BICDL1: variants seen among roughly 807,000 people sequenced by gnomAD.
BICDL1 encodes BICD family like cargo adaptor 1, also known as BICD family-like cargo adapter 1.
A neutral mutation model predicts 76.8 loss-of-function variants in BICDL1; 20 were observed. The ratio of observed to expected loss-of-function variants is 0.26; its 90% CI spans 0.18 to 0.38. The LOEUF (loss-of-function observed/expected upper bound fraction) is 0.38, where lower values mean the gene tolerates loss of function less well. BICDL1 is among the 10% of genes least tolerant of loss of function. The pLI is 1.00. For missense variants in BICDL1, 700 were observed against 798.6 expected, an observed-to-expected ratio of 0.88 and a Z score of 1.49; for synonymous variants, 383 against 337.1, an observed-to-expected ratio of 1.14 and a Z score of -1.49.
intron 2 of BICDL1, among the ~76,000 whole-genome samples, chr12:120,039,792 C>T (rs1367971961): frequency 6.6e-6 from 1 of 152,160 alleles, no homozygotes; most frequent in Non-Finnish European, 1.5e-5. Context: ...CCACCCTCCC[C>T]CACTTTCAGG....
intron 2 of BICDL1, among the ~76,000 whole-genome samples, chr12:120,004,535 A>G (rs1035751994): frequency 9.2e-5 from 14 of 152,214 alleles, no homozygotes. Flanking sequence ...ACTTTAAACT[A>G]GAAGGGATTA....
At chr12:120,039,725 G>T (rs28613380) in intron 2 of BICDL1, among the ~76,000 whole-genome samples, 8,380 of 151,854 alleles carry the variant, frequency 0.055, 456 homozygotes, top group African/African-American at 0.14. Flanking sequence ...CAAACTGTAG[G>T]TATTATAACG....
At chr12:120,028,182 CATT>C (rs1952347105) in intron 2 of BICDL1, among the ~76,000 whole-genome samples, 2 of 152,270 alleles carry the variant, frequency 1.3e-5, no homozygotes, top group South Asian at 2.1e-4. Context: ...GTAGCTCTGT[CATT>C]ATCTGGGACT....
At chr12:120,065,985 A>G (rs141432263) in intron 4 of BICDL1, among the ~76,000 whole-genome samples, 15 of 152,346 alleles carry the variant, frequency 9.8e-5, no homozygotes, top group African/African-American at 2.9e-4. Flanking sequence ...ACCTCAGTCA[A>G]TGTTGAGTAG....
chr12:120,059,622 C>A (rs1953060136), intron 2 of BICDL1, among the ~76,000 whole-genome samples: 1 of 152,130 alleles, frequency 6.6e-6, no homozygotes, highest in African/African-American at 2.4e-5. Context: ...GTTGGCCAGG[C>A]TGGTCTCAAA....
At chr12:120,031,129 CT>C (rs1402880125) in intron 2 of BICDL1, among the ~76,000 whole-genome samples, 6 of 151,792 alleles carry the variant, frequency 4.0e-5, no homozygotes, top group African/African-American at 1.5e-4. Context: ...GGAAAAGCAA[CT>C]TTTCCATAAG....
chr12:120,032,698 A>G (rs1952447119), intron 2 of BICDL1, among the ~76,000 whole-genome samples: 1 of 152,096 alleles, frequency 6.6e-6, no homozygotes, highest in African/African-American at 2.4e-5. Context: ...ACAGCTTAGT[A>G]CAAATCTTTA....
chr12:120,021,549 T>G (rs1444047353), intron 2 of BICDL1, among the ~76,000 whole-genome samples: 1 of 126,560 alleles, frequency 7.9e-6, no homozygotes, highest in Non-Finnish European at 1.6e-5. Context: ...ATTGCGCCAC[T>G]GCACTCCACC....
rs1294431864 is a variant in BICDL1 at position 119,989,751 on chromosome 12, G to A, written c.-118G>A. ...CCAGGGCTCGCGGGGACCCGGGGGCGCGTGCCGCGGCGCGAGGCGAGGCGC... is the reference window on the plus strand; with the variant it reads ...CCAGGGCTCGCGGGGACCCGGGGGCACGTGCCGCGGCGCGAGGCGAGGCGC... On this transcript the variant is annotated 5_prime_UTR_variant, in exon 1 of 10. Transcript: ENST00000548673. 1 of 280,788 alleles carries A rather than the reference G, an allele frequency of 3.6e-6. No homozygotes were observed. Among genetic ancestry groups the A allele is most frequent in the Non-Finnish European group, 5.3e-6 (1 of 189,698 alleles). 17.4% of individuals were successfully genotyped at this position (280,788 alleles called of 1,614,324 possible).
chr12:120,059,380 A>G (rs967021898), intron 2 of BICDL1, among the ~76,000 whole-genome samples: 3 of 152,108 alleles, frequency 2.0e-5, no homozygotes, highest in Non-Finnish European at 2.9e-5. Context: ...AGTTCAAGCA[A>G]TTCTCCTGCC....
chr12:120,090,810 C>T (rs1874893960), intron 9 of BICDL1: 1 of 1,115,912 alleles, frequency 9.0e-7, no homozygotes, highest in Non-Finnish European at 1.2e-6. Context: ...AACACTGGCC[C>T]CACCGCAGGG....
Position 120,064,893 on chromosome 12 carries a change from G to A in BICDL1, c.909+14G>A. 2 of 1,595,386 alleles carry A rather than the reference G, an allele frequency of 1.3e-6. No homozygotes were observed. The highest frequency in any genetic ancestry group is 1.1e-5 in the South Asian group (1 of 88,472). ...AAGGACCTACAGGTACTGGGGTAGAGAAGCTGTCCTGCAGGACTAGAGCCA... is the reference window on the plus strand; with the variant it reads ...AAGGACCTACAGGTACTGGGGTAGAAAAGCTGTCCTGCAGGACTAGAGCCA... On this transcript the variant is annotated intron_variant, in intron 4 of 9. Transcript: ENST00000548673.
In BICDL1 at chr12:120,043,928, G is replaced by C. The variant is rs562169810; in HGVS notation, c.646-17782G>C. Among the ~76,000 whole-genome samples, 3 of 152,346 alleles carry C rather than the reference G, an allele frequency of 2.0e-5. No homozygotes were observed. The South Asian group carries it at 6.2e-4, about 32-fold the overall frequency. On this transcript the variant is annotated intron_variant, in intron 2 of 9. Transcript: ENST00000548673. ...GAGAAAACAGATATGTAAACAGAGT[G>C]TGTGATAAGTTCTCTAATAAGAGTA...
intron 2 of BICDL1, among the ~76,000 whole-genome samples, chr12:120,044,203 T>C (rs749354665): frequency 3.3e-5 from 5 of 152,204 alleles, no homozygotes; most frequent in South Asian, 2.1e-4. Context: ...GGAAAGCAGT[T>C]TTTCCCTAAC....
At position 119,989,939 on chromosome 12, in the gene BICDL1, T is replaced by C; in HGVS notation, c.71T>C (p.Met24Thr). 1.4e-6 allele frequency: 2 copies of C among 1,469,734 alleles called. No individual in the cohort carries two copies. Among genetic ancestry groups the C allele is most frequent in the Non-Finnish European group, 1.8e-6 (2 of 1,124,422 alleles). 91.0% of individuals were successfully genotyped at this position (1,469,734 alleles called of 1,614,324 possible). A position where few individuals can be genotyped will look rare whatever the true frequency, so the allele number is the denominator to read the frequency against. ...APAEPDSACC[M>T]ELPAAAGDAV... is the part of the protein sequence containing the mutation. ...GCCGAGCCGGACAGCGCCTGCTGCA[T>C]GGAGCTGCCCGCCGCGGCCGGGGAC... The change falls in exon 1 of 10, where the codon ATG becomes ACG. Residue 24 changes from methionine (M) to threonine (T), a missense_variant. This residue lies in a region of BICDL1 where 225 missense variants were observed against 199.6 expected (regional missense o/e 1.13). Transcript: ENST00000548673.
At chr12:120,086,173 C>A (rs998763659) in intron 8 of BICDL1, among the ~76,000 whole-genome samples, 1 of 152,164 alleles carries the variant, frequency 6.6e-6, no homozygotes, top group African/African-American at 2.4e-5. Flanking sequence ...GTAGGGAGAA[C>A]TCTGGAGCAA....
chr12:120,093,234 C>G lies in BICDL1; in HGVS notation c.*73C>G. ...GAAAGGCGGTGCAGGCAAGGCCTCC[C>G]CTGCAGCTTGCACCTCAGCAGCTGC... is the stretch of plus-strand genomic sequence containing the variant. On this transcript the variant is annotated 3_prime_UTR_variant, in exon 10 of 10. Coordinates refer to ENST00000548673, the MANE Select transcript of BICDL1 (RefSeq NM_001367886.1). 1 of 1,510,024 alleles carries G rather than the reference C, an allele frequency of 6.6e-7. No individual in the cohort carries two copies. Among genetic ancestry groups the G allele is most frequent in the Admixed American group, 2.0e-5 (1 of 50,472 alleles). 93.5% of individuals were successfully genotyped at this position (1,510,024 alleles called of 1,614,324 possible). A position where few individuals can be genotyped will look rare whatever the true frequency, so the allele number is the denominator to read the frequency against.
intron 1 of BICDL1, among the ~76,000 whole-genome samples, chr12:119,995,177 A>G (rs1483509504): frequency 6.6e-6 from 1 of 152,226 alleles, no homozygotes; most frequent in Non-Finnish European, 1.5e-5. Context: ...TGACCTTCAC[A>G]CTTCCTGACA....
At chr12:120,058,373 G>T (rs12299411) in intron 2 of BICDL1, among the ~76,000 whole-genome samples, 2 of 152,172 alleles carry the variant, frequency 1.3e-5, no homozygotes, top group East Asian at 3.8e-4. Flanking sequence ...AGCTGGACTA[G>T]ATTTGCAGCC....
Sources: gnomAD v4.1 joint callset for allele counts (sites outside exome capture counted in the v4.1 genomes callset) on GRCh38, gnomAD v4.1.1 for gene constraint, gnomAD v4.1.1 regional missense constraint, MANE v1.5 for transcripts, NCBI Gene and HGNC (gene_info 2026-07-23, HGNC 2026-07-21) for gene names.